CDKN2B-AS1: variants seen among roughly 807,000 people sequenced by gnomAD.
CDKN2B-AS1 encodes CDKN2B and CDKN2A antisense cis and trans regulatory RNA 1, also known as CDKN2B antisense RNA 1 (non-protein coding).
rs969750480 is a variant in CDKN2B-AS1, at chr9:22,076,226, G to A, written n.438+19839G>A. ...TGCCACCATGCCTATCTTAATTTTT[G>A]TATTTTTAGTAGAGACAGGGTTTCA... On this transcript the variant is annotated intron_variant and non_coding_transcript_variant, in intron 4 of 4. Coordinates refer to ENST00000650946, the Ensembl canonical transcript of CDKN2B-AS1. 5.9e-5 allele frequency among the ~76,000 whole-genome samples: 9 copies of A among 152,106 alleles called. 1 individual carries two copies. The South Asian group carries it at 1.9e-3, about 32-fold the overall frequency.
rs73652816 is a variant in CDKN2B-AS1 at position 21,996,781 on chromosome 9, G to A, written n.29+1620G>A. On this transcript the variant is annotated intron_variant and non_coding_transcript_variant, in intron 1 of 4. Coordinates refer to ENST00000650946, the Ensembl canonical transcript of CDKN2B-AS1. This position sits in a 1 kb window ranked among gnomAD's most constrained non-coding sequence, Gnocchi z 5.4. ...GGTTAGTTCATCCTGGAAGAAAAAC[G>A]ATGTCGGATGCCAGCATAGTGTCAT... Among the ~76,000 whole-genome samples, 6,453 of 152,244 alleles carry A rather than the reference G, an allele frequency of 0.042. 374 individuals carry two copies. Among genetic ancestry groups the A allele is most frequent in the African/African-American group, 0.13 (5,484 of 41,514 alleles).
intron 4 of CDKN2B-AS1, among the ~76,000 whole-genome samples, chr9:22,068,429 G>A (rs971427758): frequency 1.3e-5 from 2 of 152,150 alleles, no homozygotes; most frequent in African/African-American, 4.8e-5. Flanking sequence ...AATAAGATTT[G>A]ATTAGGGGAA....
At position 21,999,372 on chromosome 9, in the gene CDKN2B-AS1, C is replaced by T. The variant is rs1047179904; in HGVS notation, n.29+4211C>T. On this transcript the variant is annotated intron_variant and non_coding_transcript_variant, in intron 1 of 4. Coordinates refer to ENST00000650946, the Ensembl canonical transcript of CDKN2B-AS1. This position sits in a 1 kb window ranked among gnomAD's most constrained non-coding sequence, Gnocchi z 4.7. ...TATATATCTATATACTTATATACAC[C>T]CTTTGACTCAGCAATTCTATTCCTA... 2.1e-4 allele frequency among the ~76,000 whole-genome samples: 31 copies of T among 150,916 alleles called. No individual in the cohort carries two copies. The highest frequency in any genetic ancestry group is 4.2e-4 in the South Asian group (2 of 4,762).
chr9:22,066,601 A>G (rs912947462), intron 4 of CDKN2B-AS1, among the ~76,000 whole-genome samples: 2 of 152,018 alleles, frequency 1.3e-5, no homozygotes, highest in Non-Finnish European at 2.9e-5. Flanking sequence ...TAAAATACGA[A>G]TGTCCTTTTC....
At chr9:22,086,515 G>A (rs1311410969) in intron 4 of CDKN2B-AS1, among the ~76,000 whole-genome samples, 3 of 152,148 alleles carry the variant, frequency 2.0e-5, no homozygotes, top group East Asian at 3.8e-4. Context: ...TAAGTTGAAA[G>A]TTAAAAAGTG....
chr9:22,048,223 C>T (rs776409954), intron 2 of CDKN2B-AS1, among the ~76,000 whole-genome samples: 2 of 152,104 alleles, frequency 1.3e-5, no homozygotes, highest in Non-Finnish European at 2.9e-5. Flanking sequence ...TCCCATTGCC[C>T]ATGCACTCAG....
chr9:22,072,329 A>T (rs944200304), intron 4 of CDKN2B-AS1, among the ~76,000 whole-genome samples: 1 of 152,210 alleles, frequency 6.6e-6, no homozygotes, highest in African/African-American at 2.4e-5. Context: ...TTATATAAAG[A>T]CCAGATCTGG....
At chr9:22,094,419 A>T (rs961653159) in intron 4 of CDKN2B-AS1, among the ~76,000 whole-genome samples, 5 of 144,520 alleles carry the variant, frequency 3.5e-5, no homozygotes, top group Admixed American at 3.4e-4. Flanking sequence ...GTGTTTTCCA[A>T]CTTGGTTCCA....
chr9:22,037,528 C>T (rs1235528318), intron 1 of CDKN2B-AS1, among the ~76,000 whole-genome samples: 1 of 152,018 alleles, frequency 6.6e-6, no homozygotes, highest in Non-Finnish European at 1.5e-5. Context: ...TTACTTATCT[C>T]CTCTTACTTC....
chr9:22,111,202 T>G (rs1475681224), intron 4 of CDKN2B-AS1, among the ~76,000 whole-genome samples: 1 of 152,166 alleles, frequency 6.6e-6, no homozygotes, highest in Non-Finnish European at 1.5e-5. Flanking sequence ...CTGTTCATCT[T>G]AAGATGCACT....
intron 1 of CDKN2B-AS1, chr9:22,029,580 C>CCCACACCTA (rs1251519835): frequency 1.3e-6 from 1 of 765,118 alleles, no homozygotes; most frequent in East Asian, 2.5e-5. Flanking sequence ...GCCACTGAGG[C>CCCACACCTA]CCACACCTAT....
intron 4 of CDKN2B-AS1, among the ~76,000 whole-genome samples, chr9:22,111,520 A>G (rs1587545395): frequency 2.0e-5 from 3 of 152,146 alleles, no homozygotes; most frequent in Admixed American, 6.6e-5. Context: ...TGGCACTACT[A>G]TCTCTTTCTT....
chr9:22,111,758 T>A (rs564187714), intron 4 of CDKN2B-AS1, among the ~76,000 whole-genome samples: 2 of 152,258 alleles, frequency 1.3e-5, no homozygotes, highest in South Asian at 2.1e-4. Flanking sequence ...AGATAATAAG[T>A]GAGACAAGCA....
At chr9:22,078,265 A>AT (rs1222929930) in intron 4 of CDKN2B-AS1, among the ~76,000 whole-genome samples, 48 of 147,216 alleles carry the variant, frequency 3.3e-4, no homozygotes, top group Admixed American at 9.5e-4. Context: ...CTTGCTTTCA[A>AT]TTTTTTTTTT....
At chr9:22,050,424 G>A (rs999396431) in intron 3 of CDKN2B-AS1, among the ~76,000 whole-genome samples, 14 of 152,200 alleles carry the variant, frequency 9.2e-5, no homozygotes, top group African/African-American at 3.4e-4. Context: ...GGCTGCCAAG[G>A]AAGTCCCAGC....
chr9:22,045,128 G>A (rs1163518525), intron 1 of CDKN2B-AS1, among the ~76,000 whole-genome samples: 1 of 150,778 alleles, frequency 6.6e-6, no homozygotes, highest in Non-Finnish European at 1.5e-5. Flanking sequence ...TTTATAAACA[G>A]AAGCAATAGG....
intron 4 of CDKN2B-AS1, among the ~76,000 whole-genome samples, chr9:22,125,632 G>T (rs968927195): frequency 4.6e-5 from 7 of 152,198 alleles, no homozygotes; most frequent in Non-Finnish European, 8.8e-5. Context: ...TGGAAGATAA[G>T]TTGAGAATGT....
chr9:22,089,715 G>A (rs1825000693), intron 4 of CDKN2B-AS1, among the ~76,000 whole-genome samples: 1 of 151,954 alleles, frequency 6.6e-6, no homozygotes, highest in Admixed American at 6.6e-5. Context: ...CTCCCAAAGT[G>A]CTGGAGTTAT....
chr9:22,016,989 G>A (rs928404536), intron 1 of CDKN2B-AS1, among the ~76,000 whole-genome samples: 1 of 152,184 alleles, frequency 6.6e-6, no homozygotes, highest in Admixed American at 6.5e-5. Flanking sequence ...TTTTGACATG[G>A]AACTATTAGT....
Sources: gnomAD v4.1 joint callset for allele counts (sites outside exome capture counted in the v4.1 genomes callset) on GRCh38, gnomAD v4.1.1 for gene constraint, Gnocchi (gnomAD v3.1) non-coding constraint, MANE v1.5 for transcripts, NCBI Gene and HGNC (gene_info 2026-07-23, HGNC 2026-07-21) for gene names.